The following SATL1 variants were observed in gnomAD, a reference collection of about 807,000 sequenced individuals.
SATL1 encodes spermidine/spermine N1-acetyl transferase like 1.
Under a neutral mutation model 51.8 loss-of-function variants are expected in SATL1, and 47 were observed. That is an observed-to-expected ratio of 0.91 (90% CI 0.72 to 1.16). The LOEUF (loss-of-function observed/expected upper bound fraction) is 1.16, where lower values mean the gene tolerates loss of function less well. Ranked by LOEUF, SATL1 falls within the 50% of genes most tolerant of loss-of-function variation. The pLI, the probability that SATL1 is intolerant of heterozygous loss-of-function variation, is 0.00. For missense variants in SATL1, 520 were observed against 526.4 expected (o/e 0.99, Z 0.12); for synonymous variants, 176 against 182.4 (o/e 0.97, Z 0.28).
chrX:85,093,278 T>A, intron 6 of SATL1, 53 bp from the exon 7 acceptor site: 1 of 1,074,428 alleles, frequency 9.3e-7, no homozygotes, highest in Non-Finnish European at 1.3e-6. Flanking sequence ...TAACTTGTTA[T>A]TTGCTTTAGT....
intron 2 of SATL1, among the ~76,000 whole-genome samples, chrX:85,161,479 T>TA (rs375382557): frequency 0.029 from 1,737 of 59,408 alleles, 18 homozygotes; most frequent in South Asian, 0.046. Context: ...GCCAAGCAAA[T>TA]AAAAAAAAAA....
chrX:85,213,184 G>T (rs1362487280), intron 2 of SATL1, among the ~76,000 whole-genome samples: 2 of 111,464 alleles, frequency 1.8e-5, no homozygotes, highest in Non-Finnish European at 3.8e-5. Context: ...CATTAGACTG[G>T]TTAACCCAGA....
At chrX:85,210,371 A>G (rs927029551) in intron 2 of SATL1, 1 of 99,222 alleles carries the variant, frequency 1.0e-5, no homozygotes, top group Non-Finnish European at 2.0e-5. Flanking sequence ...GTTTGGATTA[A>G]TAAGTTTAAA....
intron 2 of SATL1, among the ~76,000 whole-genome samples, chrX:85,134,476 A>G (rs1170858918): frequency 9.0e-6 from 1 of 111,523 alleles, no homozygotes; most frequent in Non-Finnish European, 1.9e-5. Flanking sequence ...AAGAAAATGA[A>G]TAGACAAATC....
intron 2 of SATL1, among the ~76,000 whole-genome samples, chrX:85,196,440 AT>A (rs967736977): frequency 9.0e-6 from 1 of 111,568 alleles, no homozygotes; most frequent in African/African-American, 3.2e-5. Flanking sequence ...TCCCCACTGC[AT>A]TTTTTTGCAG....
intron 2 of SATL1, among the ~76,000 whole-genome samples, chrX:85,203,806 T>C (rs1318851426): frequency 1.8e-5 from 2 of 112,471 alleles, no homozygotes; most frequent in African/African-American, 6.5e-5. Context: ...TGAGGTGCAA[T>C]GCCGCCACTG....
chrX:85,101,095 C>T (rs191036259), intron 4 of SATL1, among the ~76,000 whole-genome samples: 32 of 112,293 alleles, frequency 2.8e-4, no homozygotes, highest in Admixed American at 1.0e-3. Flanking sequence ...ACCTATAAAA[C>T]TCTTAGAAGA....
chrX:85,153,678 T>C (rs749278995), intron 2 of SATL1: 1 of 112,005 alleles, frequency 8.9e-6, no homozygotes, highest in Admixed American at 9.5e-5. Flanking sequence ...ACACCATTTG[T>C]TTTTTCCTAA....
chrX:85,155,475 A>T (rs1238686407), intron 2 of SATL1, among the ~76,000 whole-genome samples: 1 of 111,945 alleles, frequency 8.9e-6, no homozygotes, highest in Non-Finnish European at 1.9e-5. Context: ...TTCAAATGAA[A>T]TAATTAATGA....
chrX:85,103,251 C>A (rs1446323397), intron 4 of SATL1, among the ~76,000 whole-genome samples: 2 of 111,141 alleles, frequency 1.8e-5, no homozygotes, highest in Non-Finnish European at 3.8e-5. Context: ...AATCTGTCAC[C>A]CAGTATTATA....
In SATL1 at chrX:85,216,923, A is replaced by T. The variant is rs756823398; in HGVS notation, c.-313+7282T>A. Among the ~76,000 whole-genome samples, 7 of 112,005 alleles carry T rather than the reference A, an allele frequency of 6.2e-5. No homozygotes were observed. In the South Asian group the frequency reaches 2.6e-3, roughly 42 times the overall value. ...CTTTTTCCTAGAAGACTAGGTGAAC[A>T]GGGGAAAAATGGTGACCCTTAAAGG... On this transcript the variant is annotated intron_variant, in intron 2 of 7. Coordinates refer to ENST00000644105, the MANE Select transcript of SATL1 (RefSeq NM_001367857.2).
chrX:85,177,006 C>T (rs1275667858), intron 2 of SATL1, among the ~76,000 whole-genome samples: 1 of 111,070 alleles, frequency 9.0e-6, no homozygotes, highest in Non-Finnish European at 1.9e-5. Flanking sequence ...AAATGAGTGG[C>T]CTCAATGTAA....
chrX:85,152,576 A>C (rs999086144), intron 2 of SATL1, among the ~76,000 whole-genome samples: 2 of 111,685 alleles, frequency 1.8e-5, no homozygotes, highest in African/African-American at 6.5e-5. Flanking sequence ...CCAAATGTCC[A>C]ACAATGATAG....
chrX:85,092,459 A>G lies in SATL1; in HGVS notation c.2020T>C (p.Ser674Pro), dbSNP rs768768840. The G allele has an allele frequency of 6.7e-6, 8 of 1,202,536 alleles. No homozygotes were observed. The East Asian group carries it at 2.4e-4, about 36-fold the overall frequency. Residue 674 changes from serine to proline, a missense_variant, in exon 8 of 8, where the codon TCT (serine) becomes CCT (proline). This residue lies in a region of SATL1 where 488 missense variants were observed against 474.3 expected (regional missense o/e 1.03). Coordinates refer to ENST00000644105, the MANE Select transcript of SATL1 (RefSeq NM_001367857.2). ...YTSRGALDLS[S>P]EEGWHLFRFN... ...CTGAAGAGATGCCAGCCCTCCTCAG[A>G]GGAAAGGTCTAAAGCCCCTCGACTA... is the stretch of plus-strand genomic sequence containing the variant.
intron 1 of SATL1, among the ~76,000 whole-genome samples, chrX:85,227,394 C>T (rs973939977): frequency 8.9e-6 from 1 of 111,996 alleles, no homozygotes; most frequent in African/African-American, 3.2e-5. Context: ...TCTCTTTTTA[C>T]AAATATTCCT....
chrX:85,138,970 G>C (rs1926037640), intron 2 of SATL1, among the ~76,000 whole-genome samples: 1 of 111,612 alleles, frequency 9.0e-6, no homozygotes, highest in South Asian at 3.7e-4. Flanking sequence ...TATTATCATT[G>C]AAAATATTAT....
At position 85,181,466 on chromosome X, in the gene SATL1, C is replaced by G. The variant is rs148395336; in HGVS notation, c.-313+42739G>C. 8.3e-3 allele frequency among the ~76,000 whole-genome samples: 911 copies of G among 110,100 alleles called. 12 individuals carry two copies. Among genetic ancestry groups the G allele is most frequent in the African/African-American group, 0.028 (861 of 30,355 alleles). Reference sequence around the variant, plus strand: ...CTGGGGATTCAGTATGGATCAAAATCTCTGGGAGCATTCCAGACTACCTCA... The same window carrying G: ...CTGGGGATTCAGTATGGATCAAAATGTCTGGGAGCATTCCAGACTACCTCA... On this transcript the variant is annotated intron_variant, in intron 2 of 7. Transcript: ENST00000644105.
intron 2 of SATL1, among the ~76,000 whole-genome samples, chrX:85,197,079 G>A (rs1927582219): frequency 8.9e-6 from 1 of 111,988 alleles, no homozygotes; most frequent in African/African-American, 3.2e-5. Context: ...GAAAATGTTG[G>A]TAAGTCATAT....
intron 2 of SATL1, among the ~76,000 whole-genome samples, chrX:85,201,525 T>G (rs1336366754): frequency 9.0e-6 from 1 of 111,307 alleles, no homozygotes; most frequent in Non-Finnish European, 1.9e-5. Context: ...GATAAATATG[T>G]GTCACGGGAG....
Sources: gnomAD v4.1 joint callset for allele counts (sites outside exome capture counted in the v4.1 genomes callset) on GRCh38, gnomAD v4.1.1 for gene constraint, gnomAD v4.1.1 regional missense constraint, MANE v1.5 for transcripts, NCBI Gene and HGNC (gene_info 2026-07-23, HGNC 2026-07-21) for gene names.